The following TAFA2 variants were observed in gnomAD, a reference collection of about 807,000 sequenced individuals.
TAFA2 encodes chemokine-like protein TAFA-2.
A neutral mutation model predicts 18.8 loss-of-function variants in TAFA2; 7 were observed. The observed-to-expected ratio is 0.37, with a 90% CI of 0.21 to 0.70. TAFA2 has a LOEUF of 0.70. Among genes scored for constraint, TAFA2 ranks in the 30% least tolerant of loss-of-function variants. The pLI, the probability that TAFA2 is intolerant of heterozygous loss-of-function variation, is 0.53. For missense variants in TAFA2, 122 were observed against 158.1 expected, an observed-to-expected ratio of 0.77 and a Z score of 1.23; for synonymous variants, 60 against 54.2, an observed-to-expected ratio of 1.11 and a Z score of -0.47.
Position 62,044,468 on chromosome 12 carries a change from G to A in TAFA2, c.-2+146791C>T, listed in dbSNP as rs77356274. 5.8e-4 allele frequency among the ~76,000 whole-genome samples: 88 copies of A among 152,196 alleles called. 1 individual carries two copies. In the East Asian group the frequency reaches 0.016, roughly 28 times the overall value. Reference sequence around the variant, plus strand: ...TGGGGATAAAACAAGACCAAGTGTGGACATTTCCCACAAGTAAAGAAAGCC... The same window carrying A: ...TGGGGATAAAACAAGACCAAGTGTGAACATTTCCCACAAGTAAAGAAAGCC... On this transcript the variant is annotated intron_variant, in intron 1 of 4. Transcript: ENST00000416284.
At chr12:61,715,531 T>C (rs1869616126) in intron 4 of TAFA2, among the ~76,000 whole-genome samples, 1 of 151,786 alleles carries the variant, frequency 6.6e-6, no homozygotes, top group African/African-American at 2.4e-5. Flanking sequence ...TTGTATTTTT[T>C]TTAGTAGAAA....
intron 1 of TAFA2, among the ~76,000 whole-genome samples, chr12:62,160,847 T>G (rs977177677): frequency 6.6e-6 from 1 of 152,116 alleles, no homozygotes; most frequent in African/African-American, 2.4e-5. Context: ...CCTGCGATGG[T>G]CTGGTATCCA....
intron 4 of TAFA2, among the ~76,000 whole-genome samples, chr12:61,733,712 C>T (rs1380102290): frequency 6.6e-6 from 1 of 151,684 alleles, no homozygotes; most frequent in Non-Finnish European, 1.5e-5. Flanking sequence ...AGCATGATGC[C>T]TCCAGCTTTG....
intron 1 of TAFA2, among the ~76,000 whole-genome samples, chr12:62,072,157 C>A (rs575430652): frequency 6.6e-6 from 1 of 152,166 alleles, no homozygotes; most frequent in Non-Finnish European, 1.5e-5. Flanking sequence ...AATCTTGCAC[C>A]TTTTGTGTTA....
chr12:62,155,886 A>G (rs1592371144), intron 1 of TAFA2, among the ~76,000 whole-genome samples: 1 of 152,260 alleles, frequency 6.6e-6, no homozygotes, highest in South Asian at 2.1e-4. Flanking sequence ...TGGCCTAGGC[A>G]AGGATTTCAT....
chr12:61,722,061 G>A (rs1337200596), intron 4 of TAFA2, among the ~76,000 whole-genome samples: 3 of 152,124 alleles, frequency 2.0e-5, no homozygotes, highest in Non-Finnish European at 4.4e-5. Context: ...CAGTAGTTGA[G>A]AGGAAAATAT....
intron 1 of TAFA2, among the ~76,000 whole-genome samples, chr12:61,888,283 C>T (rs920764959): frequency 6.6e-6 from 1 of 152,146 alleles, no homozygotes; most frequent in African/African-American, 2.4e-5. Context: ...ATAAGTGTAG[C>T]CTACACAATG....
intron 1 of TAFA2, among the ~76,000 whole-genome samples, chr12:61,919,492 A>G (rs1194857038): frequency 2.0e-5 from 3 of 152,172 alleles, no homozygotes; most frequent in Non-Finnish European, 4.4e-5. Context: ...CAATTTAGGT[A>G]AAATACACAC....
At chr12:62,155,975 G>A (rs2062366658) in intron 1 of TAFA2, among the ~76,000 whole-genome samples, 1 of 152,148 alleles carries the variant, frequency 6.6e-6, no homozygotes, top group South Asian at 2.1e-4. Context: ...GCTTTTGCAT[G>A]CCAAAAAGAA....
At chr12:62,189,615 C>G (rs73131820) in intron 1 of TAFA2, among the ~76,000 whole-genome samples, 22 of 152,072 alleles carry the variant, frequency 1.4e-4, no homozygotes, top group African/African-American at 5.1e-4. Context: ...GGGGTAAGTA[C>G]AAATAATCTT....
chr12:62,078,158 C>G (rs916933788), intron 1 of TAFA2, among the ~76,000 whole-genome samples: 1 of 152,136 alleles, frequency 6.6e-6, no homozygotes, highest in African/African-American at 2.4e-5. Flanking sequence ...CCCCTACCCT[C>G]TTACCTCCCT....
chr12:61,831,282 C>G (rs1872711809), intron 2 of TAFA2, among the ~76,000 whole-genome samples: 1 of 152,138 alleles, frequency 6.6e-6, no homozygotes, highest in Non-Finnish European at 1.5e-5. Context: ...CTGTCATTAA[C>G]AGTTTATGGA....
chr12:61,755,037 A>G lies in TAFA2; in HGVS notation c.107-13T>C. 1 of 1,612,100 alleles carries G rather than the reference A, an allele frequency of 6.2e-7. No homozygotes were observed. Among genetic ancestry groups the G allele is most frequent in the South Asian group, 1.1e-5 (1 of 90,988 alleles). On this transcript the variant is annotated splice_polypyrimidine_tract_variant and intron_variant, in intron 2 of 4. Transcript: ENST00000416284. ...TTAACATGGTGAGCTGCACAAACAA[A>G]AAAGATAAGACAACATTGAGAAAGC...
chr12:62,037,795 T>C (rs1881649532), intron 1 of TAFA2, among the ~76,000 whole-genome samples: 1 of 152,170 alleles, frequency 6.6e-6, no homozygotes, highest in Admixed American at 6.6e-5. Flanking sequence ...TAAATATAAG[T>C]CACAACATAA....
intron 1 of TAFA2, among the ~76,000 whole-genome samples, chr12:61,936,106 T>C (rs922752806): frequency 6.6e-6 from 1 of 151,988 alleles, no homozygotes; most frequent in Non-Finnish European, 1.5e-5. Context: ...CCTAAACCAA[T>C]AACACATAAA....
intron 2 of TAFA2, among the ~76,000 whole-genome samples, chr12:61,801,531 G>A (rs1565638715): frequency 6.6e-6 from 1 of 151,948 alleles, no homozygotes; most frequent in African/African-American, 2.4e-5. Flanking sequence ...TCAATAAATG[G>A]ATCTGGGAAA....
intron 1 of TAFA2, among the ~76,000 whole-genome samples, chr12:61,968,942 G>A (rs1879156139): frequency 6.6e-6 from 1 of 151,656 alleles, no homozygotes; most frequent in African/African-American, 2.4e-5. Context: ...AGGTTATGCT[G>A]AAGGAGTTTG....
chr12:62,148,482 A>C (rs1393005284), intron 1 of TAFA2, among the ~76,000 whole-genome samples: 1 of 152,170 alleles, frequency 6.6e-6, no homozygotes, highest in Non-Finnish European at 1.5e-5. Context: ...TATCAGTGGG[A>C]GCTAAACATT....
intron 2 of TAFA2, among the ~76,000 whole-genome samples, chr12:61,777,668 A>G (rs1870324673): frequency 6.6e-6 from 1 of 151,600 alleles, no homozygotes; most frequent in South Asian, 2.1e-4. Context: ...TTTGCTGGGT[A>G]ACCTTTGCCA....
Sources: gnomAD v4.1 joint callset for allele counts (sites outside exome capture counted in the v4.1 genomes callset) on GRCh38, gnomAD v4.1.1 for gene constraint, MANE v1.5 for transcripts, NCBI Gene and HGNC (gene_info 2026-07-23, HGNC 2026-07-21) for gene names.